Variants in FMN1 observed in about 807,000 individuals in gnomAD.
FMN1 encodes formin 1.
A neutral mutation model predicts 132.4 loss-of-function variants in FMN1; 110 were observed. That is an observed-to-expected ratio of 0.83 (90% CI 0.71 to 0.97). The LOEUF is 0.97. FMN1 is among the 50% of genes least tolerant of loss of function. The pLI, the probability that FMN1 is intolerant of heterozygous loss-of-function variation, is 0.00. For synonymous variants in FMN1, 722 were observed against 651.7 expected, an observed-to-expected ratio of 1.11 and a Z score of -1.64; for missense variants, 1,792 against 1,705.3, an observed-to-expected ratio of 1.05 and a Z score of -0.90.
At chr15:33,117,021 C>T (rs2039954730) in intron 4 of FMN1, among the ~76,000 whole-genome samples, 1 of 152,128 alleles carries the variant, frequency 6.6e-6, no homozygotes, top group East Asian at 1.9e-4. Context: ...GGCACTGACC[C>T]AAATTTCAGA....
intron 15 of FMN1, among the ~76,000 whole-genome samples, chr15:32,889,298 TCTAG>T (rs1403323264): frequency 2.0e-4 from 30 of 152,168 alleles, no homozygotes; most frequent in Admixed American, 1.8e-3. Flanking sequence ...TCTTTTCCAG[TCTAG>T]CTAGCTTTCT....
intron 3 of FMN1, among the ~76,000 whole-genome samples, chr15:33,173,987 T>C (rs1038737737): frequency 2.0e-5 from 3 of 151,992 alleles, no homozygotes; most frequent in Non-Finnish European, 4.4e-5. Flanking sequence ...GAAGGAGCTT[T>C]TAAGAGGTCA....
At chr15:33,017,502 A>T (rs2035125580) in intron 6 of FMN1, among the ~76,000 whole-genome samples, 1 of 152,162 alleles carries the variant, frequency 6.6e-6, no homozygotes, top group African/African-American at 2.4e-5. Flanking sequence ...AAAAGAAGTG[A>T]ATTATCAGTG....
intron 16 of FMN1, among the ~76,000 whole-genome samples, chr15:32,886,322 C>G (rs965780628): frequency 2.0e-5 from 3 of 152,086 alleles, no homozygotes; most frequent in Non-Finnish European, 2.9e-5. Flanking sequence ...AAGCCTGGTA[C>G]AAAGAAGAAA....
At chr15:32,892,311 GATC>G (rs2060051132) in intron 15 of FMN1, among the ~76,000 whole-genome samples, 1 of 152,140 alleles carries the variant, frequency 6.6e-6, no homozygotes, top group Non-Finnish European at 1.5e-5. Context: ...CTATTGATAT[GATC>G]ATGTGATTTC....
chr15:32,898,286 A>G (rs922042791), intron 15 of FMN1, among the ~76,000 whole-genome samples: 21 of 150,348 alleles, frequency 1.4e-4, no homozygotes, highest in African/African-American at 5.1e-4. Context: ...CAAAATTACA[A>G]CTCCTTGTTC....
At chr15:32,977,414 G>A (rs760712479) in intron 7 of FMN1, among the ~76,000 whole-genome samples, 3 of 152,138 alleles carry the variant, frequency 2.0e-5, no homozygotes, top group Admixed American at 6.5e-5. Flanking sequence ...CCATCCTCCT[G>A]AAAAAGATAT....
chr15:32,782,786 T>C (rs1260649485), intron 19 of FMN1, among the ~76,000 whole-genome samples: 1 of 152,138 alleles, frequency 6.6e-6, no homozygotes, highest in Non-Finnish European at 1.5e-5. Context: ...ACAAAGAAAA[T>C]GTGGATCACA....
At chr15:32,784,369 TCTG>T (rs1194033364) in intron 19 of FMN1, among the ~76,000 whole-genome samples, 2 of 150,954 alleles carry the variant, frequency 1.3e-5, no homozygotes, top group Non-Finnish European at 2.9e-5. Flanking sequence ...CAAAAAGAGG[TCTG>T]CTTTTTTTTT....
intron 16 of FMN1, among the ~76,000 whole-genome samples, chr15:32,873,273 G>A (rs960908999): frequency 3.3e-5 from 5 of 152,218 alleles, no homozygotes; most frequent in Non-Finnish European, 7.4e-5. Context: ...TGTCAATTTT[G>A]GGGGAGTAGG....
intron 7 of FMN1, 88 bp from the exon 8 acceptor site, chr15:32,969,565 C>A: frequency 7.1e-7 from 1 of 1,411,336 alleles, no homozygotes. Flanking sequence ...CATCATGGTG[C>A]CACTGTAGCA....
chr15:33,077,965 G>A (rs369567244), intron 5 of FMN1, among the ~76,000 whole-genome samples: 47 of 152,154 alleles, frequency 3.1e-4, no homozygotes, highest in African/African-American at 9.4e-4. Context: ...TTAGAATGGC[G>A]ATCATTAAAA....
intron 7 of FMN1, among the ~76,000 whole-genome samples, chr15:32,999,798 G>A (rs1199818977): frequency 6.6e-6 from 1 of 152,196 alleles, no homozygotes; most frequent in African/African-American, 2.4e-5. Flanking sequence ...TGCTTAAGGT[G>A]TTGGTCAAAA....
chr15:32,796,678 G>GAAGCT, intron 19 of FMN1, among the ~76,000 whole-genome samples: 1 of 152,292 alleles, frequency 6.6e-6, no homozygotes, highest in South Asian at 2.1e-4. Flanking sequence ...TAACAGGAAA[G>GAAGCT]AAGCTAAAAT....
At position 33,064,945 on chromosome 15, in the gene FMN1, C is replaced by T. The variant is rs775635995; in HGVS notation, c.2161+12G>A. 3 of 1,590,754 alleles carry T rather than the reference C, an allele frequency of 1.9e-6. No individual in the cohort carries two copies. Among genetic ancestry groups the T allele is most frequent in the African/African-American group, 2.7e-5 (2 of 74,362 alleles). ...GATTCATTCCCGGGTCCCTAGCTTC[C>T]TTTCACATTACCTGCTTCAGTGTAC... On this transcript the variant is annotated intron_variant, in intron 6 of 20. Transcript: ENST00000616417.
rs551114322 is a variant in FMN1, at chr15:32,996,781, G to A, written c.2223+11233C>T. Among the ~76,000 whole-genome samples, 47 of 152,182 alleles carry A rather than the reference G, an allele frequency of 3.1e-4. 1 individual carries two copies. Among genetic ancestry groups the A allele is most frequent in the African/African-American group, 1.1e-3 (47 of 41,526 alleles). ...CACTATGAATTCCAAAGTCTATGAG[G>A]TTGGAGTTGTTAGAAGCAGCAACTA... On this transcript the variant is annotated intron_variant, in intron 7 of 20. Coordinates refer to ENST00000616417, the MANE Select transcript of FMN1 (RefSeq NM_001277313.2).
At chr15:32,919,365 C>T (rs2060764956) in intron 10 of FMN1, among the ~76,000 whole-genome samples, 1 of 152,054 alleles carries the variant, frequency 6.6e-6, no homozygotes, top group Non-Finnish European at 1.5e-5. Flanking sequence ...CAAGGATAGC[C>T]AAATGGCACC....
chr15:32,787,210 G>A (rs2056910103), intron 19 of FMN1, among the ~76,000 whole-genome samples: 1 of 152,176 alleles, frequency 6.6e-6, no homozygotes, highest in Non-Finnish European at 1.5e-5. Flanking sequence ...CCTTGCTGCA[G>A]CAGCTGATGA....
At chr15:32,789,402 T>G (rs1378627910) in intron 19 of FMN1, among the ~76,000 whole-genome samples, 1 of 152,202 alleles carries the variant, frequency 6.6e-6, no homozygotes, top group Non-Finnish European at 1.5e-5. Flanking sequence ...GTATATCACT[T>G]GAGACATAAT....
Sources: allele counts gnomAD v4.1 joint callset (sites outside exome capture counted in the v4.1 genomes callset), GRCh38; gene constraint gnomAD v4.1.1; transcripts MANE v1.5; gene names NCBI Gene and HGNC (gene_info 2026-07-23, HGNC 2026-07-21).